The following ENPP3 variants were observed in gnomAD, a reference collection of about 807,000 sequenced individuals.
The protein encoded by ENPP3 is ectonucleotide pyrophosphatase/phosphodiesterase family member 3.
A neutral mutation model predicts 117.8 loss-of-function variants in ENPP3; 104 were observed. The observed-to-expected ratio is 0.88, with a 90% CI of 0.75 to 1.04. The LOEUF is 1.04. ENPP3 is among the 50% of genes least tolerant of loss of function. The pLI is 0.00. For missense variants in ENPP3, 1,026 were observed against 1,051.9 expected, an observed-to-expected ratio of 0.98 and a Z score of 0.34; for synonymous variants, 380 against 349.9, an observed-to-expected ratio of 1.09 and a Z score of -0.96.
intron 20 of ENPP3, among the ~76,000 whole-genome samples, chr6:131,731,789 T>A (rs1237685099): frequency 6.6e-6 from 1 of 152,238 alleles, no homozygotes; most frequent in Non-Finnish European, 1.5e-5. Flanking sequence ...TTATTATTTA[T>A]CTGATTTCCA....
chr6:131,744,481 C>T lies in ENPP3; in HGVS notation c.2458-2305C>T, dbSNP rs201359167. ...CCCAAATCAAATTGAGGAAAATATG[C>T]TTCCAGGAAGTATAGTCATCTGAGG... On this transcript the variant is annotated intron_variant, in intron 24 of 24. Coordinates refer to ENST00000357639, the MANE Select transcript of ENPP3 (RefSeq NM_005021.5). Among the ~76,000 whole-genome samples the T allele has an allele frequency of 8.5e-5, 13 of 152,112 alleles. No homozygotes were observed. The East Asian group carries it at 2.3e-3, about 27-fold the overall frequency.
intron 24 of ENPP3, among the ~76,000 whole-genome samples, chr6:131,741,705 C>T (rs1780531286): frequency 6.6e-6 from 1 of 152,032 alleles, no homozygotes; most frequent in Non-Finnish European, 1.5e-5. Context: ...AGGAAAAAGG[C>T]AGAAAGAGGA....
intron 19 of ENPP3, among the ~76,000 whole-genome samples, chr6:131,725,346 C>G (rs1780132218): frequency 6.6e-6 from 1 of 152,106 alleles, no homozygotes; most frequent in Admixed American, 6.6e-5. Context: ...CTGGGAAACC[C>G]AAGATCAAGT....
intron 8 of ENPP3, chr6:131,674,510 A>T (rs915147975): frequency 1.9e-6 from 1 of 535,212 alleles, no homozygotes; most frequent in Non-Finnish European, 3.3e-6. Flanking sequence ...AAATGTATCC[A>T]TCTGGAAGTT....
intron 11 of ENPP3, 44 bp from the exon 12 acceptor site, chr6:131,683,010 A>G (rs1779058769): frequency 8.5e-7 from 1 of 1,182,732 alleles, no homozygotes; most frequent in Non-Finnish European, 1.3e-6. Flanking sequence ...TTGGCTAATT[A>G]AGACAACTCA....
At chr6:131,701,389 T>C (rs778267645) in intron 15 of ENPP3, 10 of 1,613,886 alleles carry the variant, frequency 6.2e-6, no homozygotes, top group South Asian at 1.1e-5. Flanking sequence ...ATGGATGTTA[T>C]ATTGTCTCCC....
chr6:131,733,217 G>C (rs1344422680), intron 20 of ENPP3, among the ~76,000 whole-genome samples: 1 of 152,086 alleles, frequency 6.6e-6, no homozygotes, highest in Non-Finnish European at 1.5e-5. Flanking sequence ...TATTTTAAAA[G>C]TAAATACATT....
chr6:131,675,775 C>T (rs1477103972), intron 9 of ENPP3, among the ~76,000 whole-genome samples: 1 of 152,162 alleles, frequency 6.6e-6, no homozygotes, highest in Non-Finnish European at 1.5e-5. Context: ...GTGGAGGTTG[C>T]AGTGAGCTGA....
intron 6 of ENPP3, among the ~76,000 whole-genome samples, chr6:131,660,097 C>G (rs1323148988): frequency 3.9e-5 from 6 of 152,108 alleles, no homozygotes; most frequent in Non-Finnish European, 8.8e-5. Context: ...CAAAATAGGG[C>G]TGTTAGTTTC....
chr6:131,697,343 A>C (rs751737957), intron 15 of ENPP3, among the ~76,000 whole-genome samples: 1 of 138,976 alleles, frequency 7.2e-6, no homozygotes. Context: ...AAGATGCTAC[A>C]TGGACGAGGA....
chr6:131,648,008 C>A (rs1778185877), intron 2 of ENPP3, among the ~76,000 whole-genome samples: 1 of 151,962 alleles, frequency 6.6e-6, no homozygotes, highest in South Asian at 2.1e-4. Context: ...TATCTCTTTC[C>A]TTAAAATTCA....
chr6:131,686,949 A>G (rs1338617757), intron 14 of ENPP3, among the ~76,000 whole-genome samples: 2 of 152,116 alleles, frequency 1.3e-5, no homozygotes, highest in African/African-American at 2.4e-5. Flanking sequence ...TGTCTTTGCT[A>G]TTGTGAATAA....
chr6:131,718,381 ATCAG>A (rs1482363380), intron 15 of ENPP3, among the ~76,000 whole-genome samples: 2 of 152,130 alleles, frequency 1.3e-5, no homozygotes, highest in African/African-American at 4.8e-5. Flanking sequence ...GTCAGTATCT[ATCAG>A]TCAGAGACTT....
chr6:131,739,411 T>C (rs757656579), intron 23 of ENPP3, among the ~76,000 whole-genome samples: 8 of 152,104 alleles, frequency 5.3e-5, no homozygotes, highest in Non-Finnish European at 1.2e-4. Flanking sequence ...CTGAGGAAAC[T>C]CGAAACTCGG....
At chr6:131,673,354 A>T (rs1385750409) in intron 7 of ENPP3, among the ~76,000 whole-genome samples, 1 of 152,206 alleles carries the variant, frequency 6.6e-6, no homozygotes, top group Non-Finnish European at 1.5e-5. Flanking sequence ...ATGGAATATT[A>T]TGCAGCCATA....
chr6:131,719,382 A>AACACACACAC (rs3032879), intron 16 of ENPP3, among the ~76,000 whole-genome samples: 2,175 of 133,138 alleles, frequency 0.016, 21 homozygotes, highest in South Asian at 0.025. Context: ...TTCCATTTGT[A>AACACACACAC]ACACACACAC....
At chr6:131,679,989 C>G (rs1373198543) in intron 11 of ENPP3, among the ~76,000 whole-genome samples, 1 of 152,158 alleles carries the variant, frequency 6.6e-6, no homozygotes, top group African/African-American at 2.4e-5. Flanking sequence ...CCTGCAGGGC[C>G]TTGCAGGTCC....
chr6:131,745,065 G>A (rs1434869905), intron 24 of ENPP3, among the ~76,000 whole-genome samples: 2 of 152,134 alleles, frequency 1.3e-5, no homozygotes, highest in Non-Finnish European at 2.9e-5. Context: ...AAGACTGTCA[G>A]GTGCTGGGTA....
At chr6:131,738,757 T>C (rs189630480) in intron 23 of ENPP3, among the ~76,000 whole-genome samples, 9 of 152,306 alleles carry the variant, frequency 5.9e-5, no homozygotes, top group African/African-American at 1.9e-4. Context: ...AGAAGTTTCA[T>C]CTACCATTTC....
Sources: allele counts gnomAD v4.1 joint callset (sites outside exome capture counted in the v4.1 genomes callset), GRCh38; gene constraint gnomAD v4.1.1; transcripts MANE v1.5; gene names NCBI Gene and HGNC (gene_info 2026-07-23, HGNC 2026-07-21).